SKAP2: variants seen among roughly 807,000 people sequenced by gnomAD.
SKAP2 encodes src kinase associated phosphoprotein 2.
In SKAP2, 28 loss-of-function variants were observed where a neutral mutation model predicts 54.9. That is an observed-to-expected ratio of 0.51 (90% confidence interval 0.38 to 0.70). The LOEUF (loss-of-function observed/expected upper bound fraction) is 0.70. SKAP2 is among the 30% of genes least tolerant of loss of function. The pLI is 0.00. For synonymous variants in SKAP2, 137 were observed against 134.3 expected (o/e 1.02, Z -0.14); for missense variants, 356 against 424.1 (o/e 0.84, Z 1.41).
intron 4 of SKAP2, among the ~76,000 whole-genome samples, chr7:26,783,648 C>G (rs1783472608): frequency 6.6e-6 from 1 of 152,158 alleles, no homozygotes; most frequent in Non-Finnish European, 1.5e-5. Context: ...CCACCTGGAG[C>G]TGGATCATAA....
chr7:26,826,118 T>TACACACACACAC (rs10601131), intron 4 of SKAP2, among the ~76,000 whole-genome samples: 207 of 150,136 alleles, frequency 1.4e-3, no homozygotes, highest in Middle Eastern at 3.5e-3. Flanking sequence ...ATTCGTGCAA[T>TACACACACACAC]ACACACACAC....
chr7:26,708,989 A>G (rs113244747), intron 9 of SKAP2, among the ~76,000 whole-genome samples: 177 of 152,272 alleles, frequency 1.2e-3, no homozygotes, highest in Admixed American at 3.5e-3. Context: ...TTATTAGAAT[A>G]TTAGATGATC....
Position 26,854,037 on chromosome 7 carries a change from T to A in SKAP2, c.199+100A>T, listed in dbSNP as rs1351405930. On this transcript the variant is annotated intron_variant, in intron 3 of 12. Coordinates refer to ENST00000345317, the MANE Select transcript of SKAP2 (RefSeq NM_003930.5). ...AAGTACACATTACGGAAATCTAAAT[T>A]TTAATTCCAACTATCAAATTTCAGT... 1.0e-5 allele frequency: 8 copies of A among 778,802 alleles called. No individual in the cohort carries two copies. In the East Asian group the frequency reaches 2.2e-4, roughly 22 times the overall value. 48.2% of individuals were successfully genotyped at this position (778,802 alleles called of 1,614,324 possible).
rs1786811949 is a variant in SKAP2 at position 26,692,742 on chromosome 7, A to G, written c.797-2380T>C. 2.0e-5 allele frequency among the ~76,000 whole-genome samples: 3 copies of G among 152,198 alleles called. No individual in the cohort carries two copies. In the South Asian group the frequency reaches 6.2e-4, roughly 32 times the overall value. ...TTATCTCACTTATGCCAAACCTTAAAGGCTAGCTTTAATAAATGGGTTAAT... is the reference window on the plus strand; with the variant it reads ...TTATCTCACTTATGCCAAACCTTAAGGGCTAGCTTTAATAAATGGGTTAAT... On this transcript the variant is annotated intron_variant, in intron 9 of 12. Transcript: ENST00000345317.
intron 4 of SKAP2, among the ~76,000 whole-genome samples, chr7:26,822,800 G>A (rs910056302): frequency 3.3e-5 from 5 of 151,086 alleles, no homozygotes; most frequent in Non-Finnish European, 5.9e-5. Context: ...GGAGAATGGC[G>A]TGAACCCAGG....
At chr7:26,768,060 T>A (rs1019205703) in intron 4 of SKAP2, among the ~76,000 whole-genome samples, 4 of 152,238 alleles carry the variant, frequency 2.6e-5, no homozygotes, top group African/African-American at 9.6e-5. Context: ...CAGTGGAGTG[T>A]TAAAGTCTCC....
intron 4 of SKAP2, among the ~76,000 whole-genome samples, chr7:26,773,026 A>T (rs1305497794): frequency 1.3e-5 from 2 of 152,250 alleles, no homozygotes; most frequent in African/African-American, 4.8e-5. Context: ...TTATCTATAA[A>T]ATACATTCCC....
rs117410660 is a variant in SKAP2, at chr7:26,711,119, A to C, written c.796+14309T>G. Among the ~76,000 whole-genome samples, 942 of 152,314 alleles carry C rather than the reference A, an allele frequency of 6.2e-3. 7 individuals carry two copies. Among genetic ancestry groups the C allele is most frequent in the South Asian group, 0.022 (104 of 4,830 alleles). On this transcript the variant is annotated intron_variant, in intron 9 of 12. Transcript: ENST00000345317. ...AATACTATATTTATACCAATGCTATATAATGGTGTAATAAATATATAGAAT... is the reference window on the plus strand; with the variant it reads ...AATACTATATTTATACCAATGCTATCTAATGGTGTAATAAATATATAGAAT...
chr7:26,806,091 T>C lies in SKAP2; in HGVS notation c.307+37939A>G, dbSNP rs114565145. Among the ~76,000 whole-genome samples the C allele has an allele frequency of 5.1e-3, 773 of 152,324 alleles. 7 individuals carry two copies. The highest frequency in any genetic ancestry group is 0.018 in the African/African-American group (731 of 41,558). ...CACCCATATAGGATAGCATATTTCA[T>C]TGATAAATATTGTGTATGTTTTGAT... is the stretch of plus-strand genomic sequence containing the variant. On this transcript the variant is annotated intron_variant, in intron 4 of 12. Transcript: ENST00000345317.
intron 4 of SKAP2, among the ~76,000 whole-genome samples, chr7:26,754,242 C>T (rs1474712020): frequency 1.3e-5 from 2 of 151,638 alleles, no homozygotes; most frequent in African/African-American, 4.8e-5. Context: ...CGTACACCTG[C>T]AATCCCAGCC....
At chr7:26,761,152 A>G (rs1420318490) in intron 4 of SKAP2, among the ~76,000 whole-genome samples, 5 of 152,202 alleles carry the variant, frequency 3.3e-5, no homozygotes, top group Non-Finnish European at 7.3e-5. Flanking sequence ...ACCAGAGAGG[A>G]AAGCATTTCC....
At chr7:26,795,088 A>C (rs745382391) in intron 4 of SKAP2, among the ~76,000 whole-genome samples, 3 of 152,206 alleles carry the variant, frequency 2.0e-5, no homozygotes, top group Admixed American at 2.0e-4. Flanking sequence ...TTTTACTAAT[A>C]AACAGAAAAT....
intron 6 of SKAP2, among the ~76,000 whole-genome samples, 191 bp downstream of exon 6, chr7:26,738,604 T>C (rs1312977176): frequency 6.6e-6 from 1 of 152,190 alleles, no homozygotes; most frequent in Non-Finnish European, 1.5e-5. Flanking sequence ...TTGTTTTAGC[T>C]CTGAGGGTAT....
At chr7:26,695,982 G>A (rs1371123352) in intron 9 of SKAP2, among the ~76,000 whole-genome samples, 2 of 152,096 alleles carry the variant, frequency 1.3e-5, no homozygotes, top group Non-Finnish European at 2.9e-5. Context: ...AACCCCACCC[G>A]CTCTTCTCTC....
At chr7:26,714,237 G>A (rs1180004104) in intron 9 of SKAP2, among the ~76,000 whole-genome samples, 1 of 152,094 alleles carries the variant, frequency 6.6e-6, no homozygotes, top group African/African-American at 2.4e-5. Flanking sequence ...GCCCATGCAG[G>A]AGGCAGATTT....
chr7:26,737,909 A>G (rs1262492860), intron 6 of SKAP2, among the ~76,000 whole-genome samples: 6 of 152,184 alleles, frequency 3.9e-5, no homozygotes, highest in Non-Finnish European at 8.8e-5. Flanking sequence ...TAGTGACAAT[A>G]GTGGTTGAGA....
At chr7:26,811,301 T>C (rs543828490) in intron 4 of SKAP2, among the ~76,000 whole-genome samples, 4 of 152,332 alleles carry the variant, frequency 2.6e-5, no homozygotes, top group South Asian at 2.1e-4. Context: ...TAATTCATCA[T>C]GCATGCCACT....
Position 26,684,804 on chromosome 7 carries a change from C to A in SKAP2, c.919G>T (p.Asp307Tyr). The A allele has an allele frequency of 6.2e-7, 1 of 1,612,752 alleles. No homozygotes were observed. The highest frequency in any genetic ancestry group is 8.5e-7 in the Non-Finnish European group (1 of 1,179,024). ...DYANFYQGLW[D>Y]CTGAFSDELS... ...TCATCAGAAAAAGCTCCAGTACAAT[C>A]CCACAATCCCTGGTAAAAATTAGCA... Residue 307 changes from aspartate (D) to tyrosine (Y), a missense_variant, in exon 11 of 13, where the codon GAT becomes TAT. Asp to Tyr is a radical substitution (Grantham distance 160, BLOSUM62 -3). Transcript: ENST00000345317.
chr7:26,753,397 A>G (rs1782726098), intron 4 of SKAP2, among the ~76,000 whole-genome samples: 1 of 152,232 alleles, frequency 6.6e-6, no homozygotes, highest in South Asian at 2.1e-4. Context: ...TGGTATATTT[A>G]AAAACCTTGT....
Sources: allele counts gnomAD v4.1 joint callset (sites outside exome capture counted in the v4.1 genomes callset), GRCh38; gene constraint gnomAD v4.1.1; transcripts MANE v1.5; gene names NCBI Gene and HGNC (gene_info 2026-07-23, HGNC 2026-07-21).